GATA4: variants seen among roughly 807,000 people sequenced by gnomAD.
The protein encoded by GATA4 is GATA binding protein 4.
In GATA4, 7 loss-of-function variants were observed where a neutral mutation model predicts 37.9. The observed-to-expected ratio is 0.18, with a 90% CI of 0.11 to 0.35. GATA4 has a LOEUF of 0.35. GATA4 is among the 10% of genes least tolerant of loss of function. The probability of loss-of-function intolerance (pLI) is 1.00; values close to 1 mark genes in which losing one functional copy is unlikely to be tolerated. For missense variants in GATA4, 647 were observed against 653.0 expected (o/e 0.99, Z 0.10); for synonymous variants, 372 against 292.6 (o/e 1.27, Z -2.77).
chr8:11,710,345 T>G (rs1368079199), intron 2 of GATA4, among the ~76,000 whole-genome samples: 2 of 151,936 alleles, frequency 1.3e-5, no homozygotes, highest in Non-Finnish European at 2.9e-5. Context: ...CGCGGCGACA[T>G]GGCCACACAA....
chr8:11,694,381 T>C, intron 1 of GATA4: 1 of 567,858 alleles, frequency 1.8e-6, no homozygotes, highest in South Asian at 7.8e-5. Flanking sequence ...CCTGTTTCAC[T>C]CAAGGCCTTC....
chr8:11,727,530 G>A (rs1013778920), intron 2 of GATA4, among the ~76,000 whole-genome samples: 2 of 152,178 alleles, frequency 1.3e-5, no homozygotes, highest in South Asian at 4.1e-4. Flanking sequence ...AAAGAAGCTG[G>A]AGTCAGGCAC....
intron 2 of GATA4, among the ~76,000 whole-genome samples, chr8:11,736,243 A>C (rs1204907584): frequency 6.6e-6 from 1 of 152,232 alleles, no homozygotes; most frequent in Non-Finnish European, 1.5e-5. Flanking sequence ...TGCGTAATTT[A>C]AACACAAATT....
Position 11,708,951 on chromosome 8 carries a change from G to A in GATA4, c.616+23G>A. 6.6e-7 allele frequency: 1 copy of A among 1,516,934 alleles called. No homozygotes were observed. Among genetic ancestry groups the A allele is most frequent in the South Asian group, 1.2e-5 (1 of 82,594 alleles). The allele number at this position is 1,516,934 out of a possible 1,614,324, so 94.0% of individuals were successfully genotyped here. ...TCGGTGAGTAGGAGCGCGAGGGCTGGGGCGCGTGAGGGCCGGGGCAGGGGC... is the reference window on the plus strand; with the variant it reads ...TCGGTGAGTAGGAGCGCGAGGGCTGAGGCGCGTGAGGGCCGGGGCAGGGGC... On this transcript the variant is annotated intron_variant, in intron 2 of 6. Transcript: ENST00000532059. The surrounding 1 kb of genome is among the most constrained non-coding windows in gnomAD (Gnocchi z 6.7).
intron 1 of GATA4, chr8:11,681,016 T>C (rs1209232035): frequency 2.1e-6 from 2 of 934,112 alleles, no homozygotes; most frequent in Non-Finnish European, 2.6e-6. Flanking sequence ...CCGAATCCCA[T>C]ACCCCAGGCT....
chr8:11,679,565 C>A (rs550075805), intron 1 of GATA4, among the ~76,000 whole-genome samples: 1 of 152,230 alleles, frequency 6.6e-6, no homozygotes, highest in Admixed American at 6.5e-5. Flanking sequence ...CCCTGGGCCG[C>A]TTGCGGGGCG....
chr8:11,737,947 G>A (rs1439472462), intron 2 of GATA4, among the ~76,000 whole-genome samples: 14 of 152,076 alleles, frequency 9.2e-5, no homozygotes, highest in Non-Finnish European at 2.1e-4. Flanking sequence ...TTGGGAGCCC[G>A]AGCCTGGCGG....
intron 2 of GATA4, among the ~76,000 whole-genome samples, chr8:11,718,248 T>C (rs1355653095): frequency 6.6e-6 from 1 of 152,264 alleles, no homozygotes; most frequent in Non-Finnish European, 1.5e-5. Context: ...TTCTTGTTTC[T>C]GGCAGGTGGC....
intron 6 of GATA4, 129 bp from the exon 7 acceptor site, chr8:11,758,164 C>G (rs1802698027): frequency 1.2e-6 from 1 of 860,624 alleles, no homozygotes; most frequent in African/African-American, 1.6e-5. Flanking sequence ...AGAAGTGCTC[C>G]TTGGTCCCTT....
At chr8:11,733,364 A>C (rs747411478) in intron 2 of GATA4, among the ~76,000 whole-genome samples, 1 of 152,242 alleles carries the variant, frequency 6.6e-6, no homozygotes, top group Non-Finnish European at 1.5e-5. Context: ...AAGGAGACTT[A>C]AGAAAGGGGA....
chr8:11,744,006 C>T (rs542127781), intron 2 of GATA4, among the ~76,000 whole-genome samples: 27 of 152,294 alleles, frequency 1.8e-4, no homozygotes, highest in African/African-American at 5.3e-4. Context: ...TTAATACTTC[C>T]CATGAGAAGC....
chr8:11,748,680 G>A (rs566376954), intron 2 of GATA4, among the ~76,000 whole-genome samples: 7 of 152,290 alleles, frequency 4.6e-5, no homozygotes, highest in African/African-American at 1.7e-4. Flanking sequence ...AGCCCAGGAC[G>A]TGGGTGATCA....
chr8:11,692,441 T>C (rs573686429), upstream of GATA4: 24 of 863,010 alleles, frequency 2.8e-5, no homozygotes, highest in Non-Finnish European at 9.7e-6. Context: ...CACTATATAA[T>C]TCGAATGAAC....
intron 1 of GATA4, among the ~76,000 whole-genome samples, chr8:11,687,002 A>G (rs868387950): frequency 2.6e-5 from 4 of 152,030 alleles, no homozygotes; most frequent in Non-Finnish European, 1.5e-5. Flanking sequence ...CGTTTCAAAA[A>G]AAAAAAAAAA....
chr8:11,698,076 G>A (rs562726237), intron 1 of GATA4: 2 of 934,478 alleles, frequency 2.1e-6, no homozygotes, highest in Non-Finnish European at 2.6e-6. Context: ...ACCCAGGCCC[G>A]GCCGCTTTCT....
intron 2 of GATA4, among the ~76,000 whole-genome samples, chr8:11,730,259 G>A (rs777268867): frequency 1.3e-5 from 2 of 152,110 alleles, no homozygotes; most frequent in Admixed American, 6.5e-5. Flanking sequence ...AGCTGTCTTC[G>A]CTGCAGGAGT....
intron 2 of GATA4, among the ~76,000 whole-genome samples, chr8:11,732,029 A>C (rs1186413997): frequency 1.3e-5 from 2 of 152,326 alleles, no homozygotes; most frequent in East Asian, 3.9e-4. Context: ...GAGGAGGTGG[A>C]AAATGGTGAT....
At chr8:11,743,494 C>T (rs1323779560) in intron 2 of GATA4, among the ~76,000 whole-genome samples, 2 of 152,210 alleles carry the variant, frequency 1.3e-5, no homozygotes, top group African/African-American at 2.4e-5. Context: ...TCTGTGGCGC[C>T]GATGGGGCGG....
intron 2 of GATA4, among the ~76,000 whole-genome samples, chr8:11,713,345 C>G (rs1420074447): frequency 6.6e-6 from 1 of 152,100 alleles, no homozygotes; most frequent in African/African-American, 2.4e-5. Flanking sequence ...GGTACAGAGT[C>G]TTACTCATTT....
Sources: allele counts gnomAD v4.1 joint callset (sites outside exome capture counted in the v4.1 genomes callset), GRCh38; gene constraint gnomAD v4.1.1; non-coding constraint Gnocchi (gnomAD v3.1); transcripts MANE v1.5; gene names NCBI Gene and HGNC (gene_info 2026-07-23, HGNC 2026-07-21).